The following MAML2 variants were observed in gnomAD, a reference collection of about 807,000 sequenced individuals.
MAML2 encodes mastermind-like protein 2.
In MAML2, 22 loss-of-function variants were observed where a neutral mutation model predicts 96.1. That is an observed-to-expected ratio of 0.23 (90% CI 0.16 to 0.33). The LOEUF (loss-of-function observed/expected upper bound fraction) is 0.33. Ranked by LOEUF, MAML2 falls within the 10% of genes least tolerant of loss-of-function variation. MAML2 has a pLI of 1.00. For missense variants in MAML2, 1,367 were observed against 1,392.4 expected, an observed-to-expected ratio of 0.98 and a Z score of 0.29; for synonymous variants, 561 against 521.3, an observed-to-expected ratio of 1.08 and a Z score of -1.04.
At chr11:96,139,370 G>A (rs888465477) in intron 1 of MAML2, among the ~76,000 whole-genome samples, 10 of 152,040 alleles carry the variant, frequency 6.6e-5, no homozygotes, top group Middle Eastern at 3.4e-3. Flanking sequence ...CCAGCTACTG[G>A]GGAGGCTGAG....
chr11:96,001,194 C>T (rs1858072750), intron 2 of MAML2, among the ~76,000 whole-genome samples: 1 of 152,196 alleles, frequency 6.6e-6, no homozygotes, highest in African/African-American at 2.4e-5. Context: ...TGTGTCTATT[C>T]TCAGCCTCTG....
chr11:96,175,731 C>T (rs1241107959), intron 1 of MAML2, among the ~76,000 whole-genome samples: 2 of 152,120 alleles, frequency 1.3e-5, no homozygotes, highest in Non-Finnish European at 2.9e-5. Flanking sequence ...GCTGGAACTA[C>T]AGGCACCCGC....
At chr11:96,060,598 A>G (rs1859142262) in intron 2 of MAML2, among the ~76,000 whole-genome samples, 2 of 152,184 alleles carry the variant, frequency 1.3e-5, no homozygotes, top group South Asian at 4.1e-4. Flanking sequence ...ATGAGAAGAA[A>G]GTGGGAATTT....
chr11:96,047,391 G>A (rs1008315234), intron 2 of MAML2, among the ~76,000 whole-genome samples: 1 of 152,066 alleles, frequency 6.6e-6, no homozygotes, highest in Non-Finnish European at 1.5e-5. Flanking sequence ...GCAAATTACT[G>A]AATTCTCTAA....
At chr11:96,027,013 G>A (rs1858534977) in intron 2 of MAML2, among the ~76,000 whole-genome samples, 1 of 152,036 alleles carries the variant, frequency 6.6e-6, no homozygotes, top group Non-Finnish European at 1.5e-5. Context: ...ACCAATGAAT[G>A]GACAACATTG....
At chr11:96,023,757 C>T (rs905769150) in intron 2 of MAML2, among the ~76,000 whole-genome samples, 2 of 152,096 alleles carry the variant, frequency 1.3e-5, no homozygotes, top group South Asian at 4.1e-4. Context: ...CATTTCCAGG[C>T]TTAGAGCAAA....
chr11:96,102,858 A>ATGAAATACT (rs1859957553), intron 1 of MAML2, among the ~76,000 whole-genome samples: 1 of 152,256 alleles, frequency 6.6e-6, no homozygotes, highest in Non-Finnish European at 1.5e-5. Context: ...TGCTTTGTGC[A>ATGAAATACT]TGAAATACTT....
At chr11:96,262,171 A>G (rs1412052331) in intron 1 of MAML2, among the ~76,000 whole-genome samples, 3 of 152,234 alleles carry the variant, frequency 2.0e-5, no homozygotes, top group Admixed American at 2.0e-4. Context: ...ACTAATCTGG[A>G]AATAGGTGTC....
chr11:96,332,907 C>A (rs1179925473), intron 1 of MAML2, among the ~76,000 whole-genome samples: 2 of 152,204 alleles, frequency 1.3e-5, no homozygotes, highest in Non-Finnish European at 2.9e-5. Context: ...TACTTCTTTG[C>A]ACCCTGGTTA....
At chr11:96,053,753 G>A (rs1859021921) in intron 2 of MAML2, among the ~76,000 whole-genome samples, 1 of 152,214 alleles carries the variant, frequency 6.6e-6, no homozygotes, top group Non-Finnish European at 1.5e-5. Context: ...TAAGAGGGAA[G>A]GAAGGGGCGA....
intron 1 of MAML2, among the ~76,000 whole-genome samples, chr11:96,202,807 T>G (rs1565247415): frequency 6.6e-6 from 1 of 152,080 alleles, no homozygotes; most frequent in Non-Finnish European, 1.5e-5. Flanking sequence ...TTTGTATTTT[T>G]GGTAGAGACA....
Position 96,211,700 on chromosome 11 carries a change from G to C in MAML2, c.514-118183C>G, listed in dbSNP as rs552701027. 2.0e-5 allele frequency among the ~76,000 whole-genome samples: 3 copies of C among 152,262 alleles called. No individual in the cohort carries two copies. In the South Asian group the frequency reaches 6.2e-4, roughly 32 times the overall value. Reference sequence around the variant, plus strand: ...TGTAAATGAATCACAGGGGCCCACAGGGTACCTAGTGGAGCAGATGGAAAG... The same window carrying C: ...TGTAAATGAATCACAGGGGCCCACACGGTACCTAGTGGAGCAGATGGAAAG... On this transcript the variant is annotated intron_variant, in intron 1 of 4. Coordinates refer to ENST00000524717, the MANE Select transcript of MAML2 (RefSeq NM_032427.4).
At chr11:96,249,702 A>G (rs544383369) in intron 1 of MAML2, among the ~76,000 whole-genome samples, 7 of 151,910 alleles carry the variant, frequency 4.6e-5, no homozygotes, top group African/African-American at 1.7e-4. Context: ...ACTTTTCCCC[A>G]CTTTTACTGC....
intron 2 of MAML2, among the ~76,000 whole-genome samples, chr11:96,039,337 G>A (rs1415204788): frequency 7.0e-6 from 1 of 142,606 alleles, no homozygotes; most frequent in Admixed American, 7.0e-5. Context: ...GGAGGGGAGG[G>A]GAGAGGAGAG....
chr11:96,141,726 TA>T (rs1208477660), intron 1 of MAML2, among the ~76,000 whole-genome samples: 1 of 152,182 alleles, frequency 6.6e-6, no homozygotes, highest in African/African-American at 2.4e-5. Context: ...ACACAGGGCA[TA>T]AAACAAACAA....
rs141046039 is a variant in MAML2, at chr11:96,081,418, A to T, written c.2139+10474T>A. On this transcript the variant is annotated intron_variant, in intron 2 of 4. Transcript: ENST00000524717. Reference sequence around the variant, plus strand: ...AAATTCCCAGTGGAAGATGTCCATCAAGTTACCTAATTCCCCTGATGATAA... The same window carrying T: ...AAATTCCCAGTGGAAGATGTCCATCTAGTTACCTAATTCCCCTGATGATAA... 5.1e-3 allele frequency among the ~76,000 whole-genome samples: 772 copies of T among 152,282 alleles called. 2 individuals are homozygous for T. The highest frequency in any genetic ancestry group is 8.8e-3 in the Non-Finnish European group (601 of 68,024).
intron 1 of MAML2, among the ~76,000 whole-genome samples, chr11:96,260,837 G>C (rs1836455): frequency 0.034 from 5,111 of 151,926 alleles, 133 homozygotes; most frequent in Non-Finnish European, 0.048. Context: ...AGAGGAGGCA[G>C]ATCAAATGAG....
At position 96,007,167 on chromosome 11, in the gene MAML2, T is replaced by G. The variant is rs867750968; in HGVS notation, c.2140-15444A>C. ...ACAGGAGCGTACCACCATGTCCAGT[T>G]AATTTTTTTTTTTTTTTTGTATTTT... is the stretch of plus-strand genomic sequence containing the variant. On this transcript the variant is annotated intron_variant, in intron 2 of 4. Coordinates refer to ENST00000524717, the MANE Select transcript of MAML2 (RefSeq NM_032427.4). Among the ~76,000 whole-genome samples, 14 of 139,204 alleles carry G rather than the reference T, an allele frequency of 1.0e-4. No homozygotes were observed. In the South Asian group the frequency reaches 1.8e-3, roughly 18 times the overall value. 91.3% of individuals were successfully genotyped at this position (139,204 alleles called of 152,430 possible).
intron 1 of MAML2, among the ~76,000 whole-genome samples, chr11:96,207,171 T>C (rs577904721): frequency 6.6e-6 from 1 of 152,354 alleles, no homozygotes; most frequent in South Asian, 2.1e-4. Context: ...TCTGGAAATC[T>C]ATGGCTTTGG....
Sources: allele counts gnomAD v4.1 joint callset (sites outside exome capture counted in the v4.1 genomes callset), GRCh38; gene constraint gnomAD v4.1.1; transcripts MANE v1.5; gene names NCBI Gene and HGNC (gene_info 2026-07-23, HGNC 2026-07-21).